The following CALM2 variants were observed in gnomAD, a reference collection of about 807,000 sequenced individuals.
CALM2 encodes calmodulin 2.
In CALM2, 2 loss-of-function variants were observed where a neutral mutation model predicts 19.8. The observed-to-expected ratio is 0.10, with a 90% confidence interval of 0.04 to 0.32. The LOEUF is 0.32. CALM2 is among the 10% of genes least tolerant of loss of function. The probability of loss-of-function intolerance (pLI) is 1.00; values close to 1 mark genes in which losing one functional copy is unlikely to be tolerated. For missense variants in CALM2, 38 were observed against 178.7 expected (o/e 0.21, Z 4.49); for synonymous variants, 51 against 52.1 (o/e 0.98, Z 0.09).
At chr2:47,166,385 T>C (rs893582313) in intron 2 of CALM2, among the ~76,000 whole-genome samples, 1 of 152,212 alleles carries the variant, frequency 6.6e-6, no homozygotes, top group Non-Finnish European at 1.5e-5. Flanking sequence ...TAATCACCTT[T>C]CTATTACATG....
At chr2:47,176,666 T>C, upstream of CALM2, 2 of 1,455,216 alleles carry the variant, frequency 1.4e-6, no homozygotes, top group Non-Finnish European at 1.8e-6. Flanking sequence ...ATTTGGTCGA[T>C]GAGGCAAGAG....
In CALM2 at chr2:47,164,252, AGAAG is replaced by A. The variant is rs1233348551; in HGVS notation, c.35-1594_35-1591del. Among the ~76,000 whole-genome samples, 202 of 70,140 alleles carry A rather than the reference AGAAG, an allele frequency of 2.9e-3. 50 individuals carry two copies. Among genetic ancestry groups the A allele is most frequent in the South Asian group, 5.8e-3 (11 of 1,884 alleles). 46.0% of individuals were successfully genotyped at this position (70,140 alleles called of 152,430 possible). ...GACTCCGTCTCAAAAAAAAAAAAAA[AGAAG>A]AAAAAGAAAAGAAACCCCGTCTCTA... On this transcript the variant is annotated intron_variant, in intron 2 of 5. Transcript: ENST00000272298.
At chr2:47,168,967 G>A (rs1021946984) in intron 2 of CALM2, among the ~76,000 whole-genome samples, 14 of 152,030 alleles carry the variant, frequency 9.2e-5, no homozygotes, top group Non-Finnish European at 1.2e-4. Context: ...TAGGAGAGAT[G>A]GGGTTTCACC....
chr2:47,167,691 CTCAAAAA>C (rs1666522520), intron 2 of CALM2: 1 of 16,758 alleles, frequency 6.0e-5, no homozygotes, highest in Admixed American at 9.9e-4. Context: ...GAAGCTCCGT[CTCAAAAA>C]AAAAAAAAAA....
chr2:47,176,453 G>C lies in CALM2; in HGVS notation c.-10C>G, dbSNP rs747231532. ...GCGATGCACTCACCATGCTGCAAGCGCTACCGGTTTCCGAGACGCGACCAC... is the reference window on the plus strand; with the variant it reads ...GCGATGCACTCACCATGCTGCAAGCCCTACCGGTTTCCGAGACGCGACCAC... On this transcript the variant is annotated 5_prime_UTR_variant, in exon 1 of 6. Transcript: ENST00000272298. 6.2e-7 allele frequency: 1 copy of C among 1,613,584 alleles called. No homozygotes were observed. Among genetic ancestry groups the C allele is most frequent in the Non-Finnish European group, 8.5e-7 (1 of 1,179,966 alleles).
intron 2 of CALM2, among the ~76,000 whole-genome samples, chr2:47,166,537 C>T (rs1054656495): frequency 1.3e-5 from 2 of 152,100 alleles, no homozygotes; most frequent in Admixed American, 1.3e-4. Context: ...ATGCTAATAC[C>T]ATTTGTTATT....
intron 4 of CALM2, 86 bp downstream of exon 4, chr2:47,162,200 A>AC: frequency 3.9e-5 from 11 of 278,652 alleles, no homozygotes; most frequent in Admixed American, 1.5e-4. Context: ...AAAAAAAAAA[A>AC]CAACCAAAAA....
At chr2:47,165,184 G>A (rs1392272826) in intron 2 of CALM2, among the ~76,000 whole-genome samples, 2 of 152,178 alleles carry the variant, frequency 1.3e-5, no homozygotes, top group Non-Finnish European at 2.9e-5. Flanking sequence ...AATCCATCAA[G>A]CATGCTTCAA....
chr2:47,168,111 AATG>A (rs981095460), intron 2 of CALM2, among the ~76,000 whole-genome samples: 11 of 152,256 alleles, frequency 7.2e-5, no homozygotes, highest in African/African-American at 2.6e-4. Context: ...AGGAATATTC[AATG>A]ATTACTATGT....
At chr2:47,169,505 G>A (rs1017057226) in intron 2 of CALM2, among the ~76,000 whole-genome samples, 2 of 151,470 alleles carry the variant, frequency 1.3e-5, no homozygotes, top group Admixed American at 1.3e-4. Context: ...TTAAAACAGT[G>A]TAACTCAACA....
intron 1 of CALM2, chr2:47,173,850 T>C (rs962034485): frequency 6.6e-6 from 1 of 152,202 alleles, no homozygotes; most frequent in Non-Finnish European, 1.5e-5. Context: ...ATTATTTCAT[T>C]AGGGTAAAAA....
chr2:47,173,995 A>G (rs1666763213), intron 1 of CALM2: 1 of 152,240 alleles, frequency 6.6e-6, no homozygotes, highest in Non-Finnish European at 1.5e-5. Flanking sequence ...TCTATATTTT[A>G]AAAGAGCCAA....
chr2:47,160,840 A>T, intron 5 of CALM2, 36 bp from the exon 6 acceptor site: 1 of 1,057,034 alleles, frequency 9.5e-7, no homozygotes, highest in Non-Finnish European at 1.3e-6. Flanking sequence ...ATGAGTCAAT[A>T]GCAAAAGACC....
At chr2:47,176,555 C>A, upstream of CALM2, 9 of 1,558,136 alleles carry the variant, frequency 5.8e-6, no homozygotes, top group Non-Finnish European at 6.9e-6. Flanking sequence ...CACCTCCCTC[C>A]GCCAGATCCC....
chr2:47,163,524 C>A (rs1190769281), intron 2 of CALM2: 1 of 152,090 alleles, frequency 6.6e-6, no homozygotes, highest in Non-Finnish European at 1.5e-5. Flanking sequence ...CCTCCTCCTC[C>A]CAGGATCAAG....
Position 47,171,979 on chromosome 2 carries a change from C to T in CALM2, c.4-1215G>A, listed in dbSNP as rs1248710861. The T allele has an allele frequency of 3.6e-4, 13 of 36,596 alleles. No homozygotes were observed. In the Admixed American group the frequency reaches 5.3e-3, roughly 15 times the overall value. The allele number at this position is 36,596 out of a possible 1,614,324, so 2.3% of individuals were successfully genotyped here. ...GTTTGACCATGATGTAAATCAAATT[C>T]ATTAAAAAAAAAAAAAAAAAAAAAA... On this transcript the variant is annotated intron_variant, in intron 1 of 5. Transcript: ENST00000272298.
rs1023167191 is a variant in CALM2, at chr2:47,160,573, T to A, written c.*203A>T. ...TCCAGAGTAAGCCACATGCAACATG[T>A]TACTTGATCAATTTTCTAAAATAAG... On this transcript the variant is annotated 3_prime_UTR_variant, in exon 6 of 6. Transcript: ENST00000272298. The A allele has an allele frequency of 2.2e-6, 1 of 454,996 alleles. No individual in the cohort carries two copies. Among genetic ancestry groups the A allele is most frequent in the African/African-American group, 2.0e-5 (1 of 49,082 alleles). The allele number at this position is 454,996 out of a possible 1,614,324, so 28.2% of individuals were successfully genotyped here.
chr2:47,162,810 C>G (rs1210382821), intron 2 of CALM2, 148 bp from the exon 3 acceptor site: 1 of 596,224 alleles, frequency 1.7e-6, no homozygotes, highest in African/African-American at 1.9e-5. Flanking sequence ...ACTGTAAGAC[C>G]CCACGTCTCA....
At chr2:47,176,179 C>T in intron 1 of CALM2, 1 of 515,106 alleles carries the variant, frequency 1.9e-6, no homozygotes, top group East Asian at 3.1e-5. Context: ...CCTCCTCCAG[C>T]CAAGCCCCCG....
Sources: allele counts gnomAD v4.1 joint callset (sites outside exome capture counted in the v4.1 genomes callset), GRCh38; gene constraint gnomAD v4.1.1; transcripts MANE v1.5; gene names NCBI Gene and HGNC (gene_info 2026-07-23, HGNC 2026-07-21).